MSI2: variants seen among roughly 807,000 people sequenced by gnomAD.
The protein encoded by MSI2 is RNA-binding protein Musashi homolog 2.
In MSI2, 17 loss-of-function variants were observed where a neutral mutation model predicts 45.6. The observed-to-expected ratio is 0.37, with a 90% CI of 0.26 to 0.56. MSI2 has a LOEUF of 0.56. Among genes scored for constraint, MSI2 ranks in the 20% least tolerant of loss-of-function variants. MSI2 has a pLI of 0.77. For missense variants in MSI2, 293 were observed against 444.2 expected (o/e 0.66, Z 3.06); for synonymous variants, 156 against 158.2 (o/e 0.99, Z 0.11).
intron 5 of MSI2, among the ~76,000 whole-genome samples, chr17:57,335,532 G>C (rs1043767053): frequency 2.0e-5 from 3 of 152,204 alleles, no homozygotes; most frequent in Non-Finnish European, 4.4e-5. Flanking sequence ...GCCAAGTGTT[G>C]ATTACCTGGC....
intron 7 of MSI2, among the ~76,000 whole-genome samples, chr17:57,573,742 A>G (rs2087940500): frequency 6.6e-6 from 1 of 152,224 alleles, no homozygotes; most frequent in South Asian, 2.1e-4. Flanking sequence ...TGGAGGAGTG[A>G]CAGGCTTTAG....
At chr17:57,262,233 A>G (rs779087184) in intron 5 of MSI2, 41 bp downstream of exon 5, 3 of 1,601,424 alleles carry the variant, frequency 1.9e-6, no homozygotes, top group Non-Finnish European at 2.6e-6. Context: ...GCACTCAGAG[A>G]TGATTGCCAA....
intron 7 of MSI2, among the ~76,000 whole-genome samples, chr17:57,553,794 C>T (rs938171302): frequency 5.9e-5 from 9 of 152,080 alleles, no homozygotes; most frequent in Admixed American, 1.3e-4. Context: ...GTCAGAGAGG[C>T]GGTGAGGAAA....
chr17:57,587,035 G>A (rs562343967), intron 7 of MSI2, among the ~76,000 whole-genome samples: 1 of 152,144 alleles, frequency 6.6e-6, no homozygotes, highest in African/African-American at 2.4e-5. Context: ...TAAAAACGCA[G>A]TTCCTGGGCA....
At chr17:57,696,142 C>T in the MSI2 span, among the ~76,000 whole-genome samples, 1 of 152,188 alleles carries the variant, frequency 6.6e-6, no homozygotes, top group East Asian at 1.9e-4. Context: ...AACCTATTGT[C>T]ACTACTAGGT....
chr17:57,272,221 T>C (rs888066855), intron 5 of MSI2, among the ~76,000 whole-genome samples: 2 of 152,232 alleles, frequency 1.3e-5, no homozygotes, highest in African/African-American at 2.4e-5. Context: ...TACTGTGGTG[T>C]TCTCCACCCT....
At chr17:57,404,278 C>T (rs1006140341) in intron 6 of MSI2, among the ~76,000 whole-genome samples, 2 of 152,138 alleles carry the variant, frequency 1.3e-5, no homozygotes, top group African/African-American at 4.8e-5. Context: ...TGTCTGATAA[C>T]AGCATCTGAA....
At chr17:57,426,622 C>T (rs1201985564) in intron 6 of MSI2, among the ~76,000 whole-genome samples, 1 of 152,134 alleles carries the variant, frequency 6.6e-6, no homozygotes, top group Non-Finnish European at 1.5e-5. Context: ...TTGTTGAGTG[C>T]TTTTGATGTA....
intron 8 of MSI2, among the ~76,000 whole-genome samples, chr17:57,608,572 G>A (rs932477160): frequency 6.6e-6 from 1 of 152,238 alleles, no homozygotes; most frequent in African/African-American, 2.4e-5. Context: ...TGGGTGTAAG[G>A]CCTGAGCCGT....
At chr17:57,411,656 T>G (rs7213198) in intron 6 of MSI2, among the ~76,000 whole-genome samples, 10,772 of 152,140 alleles carry the variant, frequency 0.071, 417 homozygotes, top group African/African-American at 0.095. Context: ...CTTAAGCTGT[T>G]TATCCTGAGG....
chr17:57,295,992 CTTTTTTTTTTTT>C (rs386386327), intron 5 of MSI2, among the ~76,000 whole-genome samples: 14 of 38,658 alleles, frequency 3.6e-4, no homozygotes, highest in Admixed American at 5.2e-4. Context: ...CGCAGCCTTC[CTTTTTTTTTTTT>C]TTTTTTTTTT....
intron 10 of MSI2, among the ~76,000 whole-genome samples, chr17:57,651,561 G>C (rs1427476075): frequency 6.6e-6 from 1 of 152,240 alleles, no homozygotes; most frequent in Non-Finnish European, 1.5e-5. Flanking sequence ...CAAAAGTCTG[G>C]AGTTAAAAAG....
intron 6 of MSI2, among the ~76,000 whole-genome samples, chr17:57,458,554 G>A (rs1469892261): frequency 1.3e-5 from 2 of 152,170 alleles, no homozygotes; most frequent in African/African-American, 2.4e-5. Context: ...CAGCCTCATT[G>A]CTGATATCTT....
chr17:57,332,308 C>T (rs1914341138), intron 5 of MSI2, among the ~76,000 whole-genome samples: 1 of 152,090 alleles, frequency 6.6e-6, no homozygotes, highest in South Asian at 2.1e-4. Context: ...TCCATGTTAG[C>T]CAGGCTGGTC....
intron 4 of MSI2, among the ~76,000 whole-genome samples, chr17:57,258,931 TG>T (rs1477796840): frequency 3.5e-5 from 5 of 142,606 alleles, no homozygotes; most frequent in African/African-American, 5.8e-5. Flanking sequence ...TGATAAGGCC[TG>T]GGGGTTTCAA....
the MSI2 span, among the ~76,000 whole-genome samples, chr17:57,700,966 T>G: frequency 1.3e-5 from 2 of 152,180 alleles, no homozygotes; most frequent in African/African-American, 4.8e-5. Context: ...AATTTGGTCT[T>G]TGCTAACTTG....
the MSI2 span, among the ~76,000 whole-genome samples, chr17:57,700,896 C>CT: frequency 7.0e-6 from 1 of 141,958 alleles, no homozygotes; most frequent in Non-Finnish European, 1.6e-5. Flanking sequence ...GAGCAAAACT[C>CT]TGTCTTAAAA....
At chr17:57,470,961 CA>C (rs1488020545) in intron 6 of MSI2, among the ~76,000 whole-genome samples, 1 of 151,502 alleles carries the variant, frequency 6.6e-6, no homozygotes, top group East Asian at 1.9e-4. Context: ...CTGGAGTGGC[CA>C]CCCCAGGAGG....
chr17:57,452,426 G>A (rs1254145724), intron 6 of MSI2, among the ~76,000 whole-genome samples: 1 of 152,274 alleles, frequency 6.6e-6, no homozygotes, highest in Admixed American at 6.5e-5. Context: ...GCCAGGACTA[G>A]AAGTCAGGCC....
Sources: allele counts gnomAD v4.1 joint callset (sites outside exome capture counted in the v4.1 genomes callset), GRCh38; gene constraint gnomAD v4.1.1; transcripts MANE v1.5; gene names NCBI Gene and HGNC (gene_info 2026-07-23, HGNC 2026-07-21).